TNIK: variants seen among roughly 807,000 people sequenced by gnomAD.
TNIK encodes the protein TRAF2 and NCK interacting kinase.
Under a neutral mutation model 191.3 loss-of-function variants are expected in TNIK, and 49 were observed. The ratio of observed to expected loss-of-function variants is 0.26; its 90% CI spans 0.20 to 0.32. The LOEUF (loss-of-function observed/expected upper bound fraction) is 0.32, where lower values mean the gene tolerates loss of function less well. Among genes scored for constraint, TNIK ranks in the 10% least tolerant of loss-of-function variants. The pLI is 1.00. For synonymous variants in TNIK, 594 were observed against 600.9 expected, an observed-to-expected ratio of 0.99 and a Z score of 0.17; for missense variants, 1,155 against 1,702.3, an observed-to-expected ratio of 0.68 and a Z score of 5.66.
At chr3:171,266,116 G>A (rs941795760) in intron 2 of TNIK, among the ~76,000 whole-genome samples, 2 of 152,130 alleles carry the variant, frequency 1.3e-5, no homozygotes, top group Admixed American at 6.6e-5. Context: ...AAGAAAAGAT[G>A]GGGGGAAGAT....
chr3:171,339,357 A>G, intron 2 of TNIK, among the ~76,000 whole-genome samples: 1 of 152,232 alleles, frequency 6.6e-6, no homozygotes, highest in East Asian at 1.9e-4. Flanking sequence ...TCAGTTCATT[A>G]GAGAAGCCAG....
rs1469629573 is a variant in TNIK at position 171,063,123 on chromosome 3, T to G, written c.*758A>C. On this transcript the variant is annotated 3_prime_UTR_variant, in exon 33 of 33. Coordinates refer to ENST00000436636, the MANE Select transcript of TNIK (RefSeq NM_015028.4). ...GGCGTTAGTATCCTGTTCAACACAC[T>G]CCATTCTGTAAAGGGCCATATAAAA... 1 of 152,192 alleles carries G rather than the reference T, an allele frequency of 6.6e-6. No individual in the cohort carries two copies. Among genetic ancestry groups the G allele is most frequent in the Admixed American group, 6.5e-5 (1 of 15,280 alleles). 9.4% of individuals were successfully genotyped at this position (152,192 alleles called of 1,614,324 possible). A position where few individuals can be genotyped will look rare whatever the true frequency, so the allele number is the denominator to read the frequency against.
chr3:171,128,887 CAAAAAAAAAA>C lies in TNIK; in HGVS notation c.1609-19_1609-10del. The C allele has an allele frequency of 2.4e-6, 3 of 1,242,452 alleles. No individual in the cohort carries two copies. The highest frequency in any genetic ancestry group is 2.8e-4 in the Middle Eastern group (1 of 3,510). The allele number at this position is 1,242,452 out of a possible 1,614,324, so 77.0% of individuals were successfully genotyped here. A position where few individuals can be genotyped will look rare whatever the true frequency, so the allele number is the denominator to read the frequency against. On this transcript the variant is annotated splice_polypyrimidine_tract_variant and intron_variant, in intron 15 of 32. Coordinates refer to ENST00000436636, the MANE Select transcript of TNIK (RefSeq NM_015028.4). ...CTTGACCGTTCTTCTACCTACAACC[CAAAAAAAAAA>C]AAAAAAAAAAGACAGCCTCAATGTA... is the stretch of plus-strand genomic sequence containing the variant.
chr3:171,098,716 T>C (rs1299793978), intron 22 of TNIK, among the ~76,000 whole-genome samples: 1 of 152,046 alleles, frequency 6.6e-6, no homozygotes, highest in Admixed American at 6.6e-5. Flanking sequence ...AATATAGAGG[T>C]TTACCTTAAC....
In TNIK at chr3:171,382,307, G is replaced by A. The variant is rs576553539; in HGVS notation, c.58-12622C>T. 6.9e-4 allele frequency among the ~76,000 whole-genome samples: 97 copies of A among 140,286 alleles called. 1 individual carries two copies. The South Asian group carries it at 0.017, about 25-fold the overall frequency. The allele number at this position is 140,286 out of a possible 152,430, so 92.0% of individuals were successfully genotyped here. On this transcript the variant is annotated intron_variant, in intron 1 of 32. Coordinates refer to ENST00000436636, the MANE Select transcript of TNIK (RefSeq NM_015028.4). Reference sequence around the variant, plus strand: ...ATGATCTCAGCTCACTGCAACCTCCGTCTCCCGGGCTCAAGCAATTCTTCT... The same window carrying A: ...ATGATCTCAGCTCACTGCAACCTCCATCTCCCGGGCTCAAGCAATTCTTCT...
chr3:171,260,967 G>T (rs1454441943), intron 2 of TNIK, among the ~76,000 whole-genome samples: 7 of 152,054 alleles, frequency 4.6e-5, no homozygotes, highest in Non-Finnish European at 2.9e-5. Flanking sequence ...CTTATATAAA[G>T]GTTTATCTTA....
intron 7 of TNIK, among the ~76,000 whole-genome samples, chr3:171,188,087 C>T (rs1737590190): frequency 6.6e-6 from 1 of 152,186 alleles, no homozygotes; most frequent in South Asian, 2.1e-4. Flanking sequence ...AGAAGGGCTT[C>T]TTGGAGAAAT....
intron 2 of TNIK, among the ~76,000 whole-genome samples, chr3:171,290,090 T>C (rs1208977338): frequency 6.6e-6 from 1 of 152,074 alleles, no homozygotes; most frequent in Non-Finnish European, 1.5e-5. Context: ...GTTTTTAGGA[T>C]AGAAGTAGAA....
intron 1 of TNIK, among the ~76,000 whole-genome samples, chr3:171,400,572 C>CAATAAATAAAGAAATAAATA (rs1553770000): frequency 2.1e-5 from 3 of 145,744 alleles, no homozygotes; most frequent in Non-Finnish European, 3.0e-5. Context: ...TCCTATCTCA[C>CAATAAATAAAGAAATAAATA]AATAAATAAA....
intron 4 of TNIK, among the ~76,000 whole-genome samples, chr3:171,208,473 C>A (rs575070256): frequency 6.6e-6 from 1 of 152,120 alleles, no homozygotes. Flanking sequence ...CAAGTTACTA[C>A]GTATTTTTTC....
intron 7 of TNIK, among the ~76,000 whole-genome samples, chr3:171,182,524 T>C (rs1736797368): frequency 6.6e-6 from 1 of 152,152 alleles, no homozygotes; most frequent in African/African-American, 2.4e-5. Context: ...GATAATTCAT[T>C]ATTCCAGAGG....
At chr3:171,225,713 T>C (rs1332834143) in intron 3 of TNIK, 1 of 437,808 alleles carries the variant, frequency 2.3e-6, no homozygotes, top group Admixed American at 2.5e-5. Flanking sequence ...CTAGCAATAG[T>C]GGTTCTTGAG....
At chr3:171,262,771 A>G (rs1411669430) in intron 2 of TNIK, among the ~76,000 whole-genome samples, 1 of 152,192 alleles carries the variant, frequency 6.6e-6, no homozygotes, top group Non-Finnish European at 1.5e-5. Context: ...TCTAATATCC[A>G]TGCCTCAATA....
chr3:171,097,971 G>A (rs1348748713), intron 22 of TNIK, among the ~76,000 whole-genome samples: 1 of 152,114 alleles, frequency 6.6e-6, no homozygotes, highest in African/African-American at 2.4e-5. Flanking sequence ...TGATATAAAT[G>A]ATGGAATAAA....
intron 2 of TNIK, among the ~76,000 whole-genome samples, chr3:171,274,538 A>G (rs946336715): frequency 4.6e-5 from 7 of 152,168 alleles, no homozygotes; most frequent in Non-Finnish European, 8.8e-5. Flanking sequence ...TAAAAATGTT[A>G]TAATATAAGA....
rs77412155 is a variant in TNIK at position 171,437,719 on chromosome 3, C to T, written c.57+22288G>A. Among the ~76,000 whole-genome samples, 1,003 of 152,344 alleles carry T rather than the reference C, an allele frequency of 6.6e-3. 8 individuals carry two copies. Among genetic ancestry groups the T allele is most frequent in the Non-Finnish European group, 0.011 (744 of 68,034 alleles). ...TCAACTCCTATCAGGTAACTGAAAT[C>T]CACCTATAATCTGTCACCCATGCCA... is the stretch of plus-strand genomic sequence containing the variant. On this transcript the variant is annotated intron_variant, in intron 1 of 32. Coordinates refer to ENST00000436636, the MANE Select transcript of TNIK (RefSeq NM_015028.4).
At chr3:171,190,155 A>G (rs1040958992) in intron 6 of TNIK, among the ~76,000 whole-genome samples, 1 of 152,208 alleles carries the variant, frequency 6.6e-6, no homozygotes, top group Non-Finnish European at 1.5e-5. Flanking sequence ...GCTCTAACAG[A>G]TACGCCAAAG....
chr3:171,202,835 T>A (rs1739582430), intron 4 of TNIK, among the ~76,000 whole-genome samples: 1 of 152,218 alleles, frequency 6.6e-6, no homozygotes, highest in Admixed American at 6.5e-5. Context: ...TCATTCCTCT[T>A]ACCATGTTAG....
chr3:171,339,519 G>T (rs1349398078), intron 2 of TNIK, among the ~76,000 whole-genome samples: 1 of 152,214 alleles, frequency 6.6e-6, no homozygotes, highest in African/African-American at 2.4e-5. Flanking sequence ...TTCCATGAAG[G>T]CAGAGATCTG....
Sources: allele counts gnomAD v4.1 joint callset (sites outside exome capture counted in the v4.1 genomes callset), GRCh38; gene constraint gnomAD v4.1.1; transcripts MANE v1.5; gene names NCBI Gene and HGNC (gene_info 2026-07-23, HGNC 2026-07-21).